Variants in CADM2 observed in about 807,000 individuals in gnomAD.
CADM2 encodes the protein immunoglobulin superfamily member 4D.
In CADM2, 12 loss-of-function variants were observed where a neutral mutation model predicts 49.8. The ratio of observed to expected loss-of-function variants is 0.24; its 90% confidence interval spans 0.15 to 0.39. The LOEUF (loss-of-function observed/expected upper bound fraction) is 0.39. CADM2 is among the 10% of genes least tolerant of loss of function. CADM2 has a pLI of 1.00. For missense variants in CADM2, 378 were observed against 492.3 expected (o/e 0.77, Z 2.20); for synonymous variants, 214 against 175.4 (o/e 1.22, Z -1.74).
intron 1 of CADM2, among the ~76,000 whole-genome samples, chr3:85,218,318 A>C (rs2041975557): frequency 6.6e-6 from 1 of 152,170 alleles, no homozygotes; most frequent in African/African-American, 2.4e-5. Context: ...TTAAGTTGTT[A>C]TAAAAGATTT....
At chr3:85,795,493 A>G (rs1257902171) in intron 2 of CADM2, among the ~76,000 whole-genome samples, 2 of 152,152 alleles carry the variant, frequency 1.3e-5, no homozygotes, top group African/African-American at 2.4e-5. Flanking sequence ...GTCCTAGAGA[A>G]CTAAAATCAT....
intron 3 of CADM2, among the ~76,000 whole-genome samples, chr3:85,845,385 C>T (rs1272056942): frequency 6.6e-6 from 1 of 152,106 alleles, no homozygotes; most frequent in Non-Finnish European, 1.5e-5. Context: ...CCGGAGACCA[C>T]TCTCAGAGTT....
At chr3:84,974,280 A>C (rs542401216) in intron 1 of CADM2, among the ~76,000 whole-genome samples, 99 of 151,984 alleles carry the variant, frequency 6.5e-4, no homozygotes, top group African/African-American at 2.3e-3. Flanking sequence ...GTGGTCTAGC[A>C]TTTATAATAG....
chr3:85,086,037 C>CT (rs972350012), intron 1 of CADM2, among the ~76,000 whole-genome samples: 8 of 152,162 alleles, frequency 5.3e-5, no homozygotes, highest in African/African-American at 1.9e-4. Context: ...AGGACAAAAA[C>CT]TTTTTTTATT....
At chr3:85,160,866 T>C (rs2040301026) in intron 1 of CADM2, among the ~76,000 whole-genome samples, 1 of 152,158 alleles carries the variant, frequency 6.6e-6, no homozygotes, top group Admixed American at 6.5e-5. Context: ...ATTACTTCTG[T>C]CCTGAATTTA....
At chr3:85,741,917 G>A (rs2068408909) in intron 2 of CADM2, among the ~76,000 whole-genome samples, 1 of 152,134 alleles carries the variant, frequency 6.6e-6, no homozygotes, top group Non-Finnish European at 1.5e-5. Flanking sequence ...ATCATGCAGT[G>A]AATTCCTAAA....
chr3:85,839,130 A>T (rs1234327802), intron 3 of CADM2, among the ~76,000 whole-genome samples: 2 of 151,816 alleles, frequency 1.3e-5, no homozygotes, highest in African/African-American at 2.4e-5. Flanking sequence ...CAAATTTAAC[A>T]GCCAAGACTG....
At chr3:85,406,877 A>G (rs2035404569) in intron 1 of CADM2, among the ~76,000 whole-genome samples, 1 of 151,944 alleles carries the variant, frequency 6.6e-6, no homozygotes, top group Admixed American at 6.6e-5. Flanking sequence ...TACTTTCTAC[A>G]TAGAAGACAT....
At chr3:85,214,819 A>G (rs1438540749) in intron 1 of CADM2, among the ~76,000 whole-genome samples, 1 of 151,956 alleles carries the variant, frequency 6.6e-6, no homozygotes. Context: ...CTTGCAGTGA[A>G]TGCTGCCAGT....
intron 7 of CADM2, among the ~76,000 whole-genome samples, chr3:85,947,908 G>A (rs916309796): frequency 6.6e-6 from 1 of 151,384 alleles, no homozygotes; most frequent in Non-Finnish European, 1.5e-5. Flanking sequence ...ACATTTCCAG[G>A]TAAGCAGTTT....
At chr3:85,202,080 A>G (rs991390935) in intron 1 of CADM2, among the ~76,000 whole-genome samples, 8 of 20,824 alleles carry the variant, frequency 3.8e-4, no homozygotes, top group African/African-American at 1.0e-3. Flanking sequence ...CTCTGTCTGA[A>G]AAAAAAAAAA....
At chr3:85,907,186 G>T (rs1031437541) in intron 5 of CADM2, among the ~76,000 whole-genome samples, 2 of 152,138 alleles carry the variant, frequency 1.3e-5, no homozygotes, top group African/African-American at 4.8e-5. Context: ...TAGCTCACTG[G>T]TTATGGCACA....
chr3:85,913,727 A>G (rs1049813367), intron 6 of CADM2, among the ~76,000 whole-genome samples: 1 of 152,234 alleles, frequency 6.6e-6, no homozygotes, highest in Admixed American at 6.5e-5. Flanking sequence ...AAAAATAAAT[A>G]AATGGAACAT....
chr3:85,740,172 T>C (rs1199778762), intron 2 of CADM2, among the ~76,000 whole-genome samples: 3 of 152,178 alleles, frequency 2.0e-5, no homozygotes, highest in African/African-American at 7.2e-5. Flanking sequence ...CATTTTGTTT[T>C]CTAAGGAATT....
At chr3:85,268,840 G>T (rs892060590) in intron 1 of CADM2, among the ~76,000 whole-genome samples, 2 of 151,152 alleles carry the variant, frequency 1.3e-5, no homozygotes, top group Admixed American at 6.6e-5. Context: ...GAACTATTAA[G>T]ATATGAAGTA....
intron 1 of CADM2, among the ~76,000 whole-genome samples, chr3:85,623,933 G>A (rs1472731589): frequency 6.6e-6 from 1 of 152,014 alleles, no homozygotes; most frequent in Non-Finnish European, 1.5e-5. Flanking sequence ...AAAATGTTAA[G>A]GATATTGCTT....
At chr3:85,881,502 A>G (rs1056619763) in intron 3 of CADM2, among the ~76,000 whole-genome samples, 1 of 152,124 alleles carries the variant, frequency 6.6e-6, no homozygotes, top group Non-Finnish European at 1.5e-5. Context: ...CTGGATGCTA[A>G]TTAGATTTAT....
intron 1 of CADM2, among the ~76,000 whole-genome samples, chr3:85,561,877 T>G (rs1332619253): frequency 1.3e-5 from 2 of 152,050 alleles, no homozygotes; most frequent in Non-Finnish European, 2.9e-5. Flanking sequence ...TATGCCAGCT[T>G]TACAATTTAG....
intron 8 of CADM2, among the ~76,000 whole-genome samples, chr3:86,005,278 G>A (rs568596786): frequency 1.4e-4 from 22 of 152,272 alleles, no homozygotes; most frequent in Admixed American, 6.5e-4. Flanking sequence ...GTGGCCGGGC[G>A]TGGTGGCTCA....
Sources: allele counts gnomAD v4.1 joint callset (sites outside exome capture counted in the v4.1 genomes callset), GRCh38; gene constraint gnomAD v4.1.1; transcripts MANE v1.5; gene names NCBI Gene and HGNC (gene_info 2026-07-23, HGNC 2026-07-21).